TNS3: variants seen among roughly 807,000 people sequenced by gnomAD.
TNS3 encodes the protein tensin-3.
Under a neutral mutation model 140.9 loss-of-function variants are expected in TNS3, and 45 were observed. The observed-to-expected ratio is 0.32, with a 90% CI of 0.25 to 0.41. TNS3 has a LOEUF of 0.41. Among genes scored for constraint, TNS3 ranks in the 10% least tolerant of loss-of-function variants. TNS3 has a pLI of 1.00. For missense variants in TNS3, 1,716 were observed against 1,906.7 expected (o/e 0.90, Z 1.86); for synonymous variants, 815 against 788.4 (o/e 1.03, Z -0.56).
chr7:47,438,530 G>C lies in TNS3; in HGVS notation c.150+957C>G, dbSNP rs115130245. Among the ~76,000 whole-genome samples, 856 of 152,268 alleles carry C rather than the reference G, an allele frequency of 5.6e-3. 7 individuals carry two copies. The highest frequency in any genetic ancestry group is 0.019 in the African/African-American group (804 of 41,540). On this transcript the variant is annotated intron_variant, in intron 6 of 30. Coordinates refer to ENST00000311160, the MANE Select transcript of TNS3 (RefSeq NM_022748.12). ...TGGTGAGAGGCACCACCATCAAATG[G>C]GGCTTGGCCACCACTTCCTGTCCAC...
In TNS3 at chr7:47,439,657, G is replaced by A. The variant is rs768073824; in HGVS notation, c.-21C>T. 3 of 1,613,606 alleles carry A rather than the reference G, an allele frequency of 1.9e-6. No homozygotes were observed. The highest frequency in any genetic ancestry group is 2.5e-6 in the Non-Finnish European group (3 of 1,179,856). On this transcript the variant is annotated splice_region_variant and 5_prime_UTR_variant, in exon 6 of 31. Coordinates refer to ENST00000311160, the MANE Select transcript of TNS3 (RefSeq NM_022748.12). ...TCCATGGTGGGACTCAGGATGACGG[G>A]CCTGCGAGAGAGCAGTGGGCAGATC...
In TNS3 at chr7:47,407,409, A is replaced by G. The variant is rs1793509071; in HGVS notation, c.723+4318T>C. Among the ~76,000 whole-genome samples, 1 of 152,168 alleles carries G rather than the reference A, an allele frequency of 6.6e-6. No homozygotes were observed. Among genetic ancestry groups the G allele is most frequent in the Non-Finnish European group, 1.5e-5 (1 of 68,042 alleles). Reference sequence around the variant, plus strand: ...AAGGACCCAGACTCCCGGGAGCAGGAGCCCTGCACTGCCCACTCACGTGTC... The same window carrying G: ...AAGGACCCAGACTCCCGGGAGCAGGGGCCCTGCACTGCCCACTCACGTGTC... On this transcript the variant is annotated intron_variant, in intron 13 of 30. Coordinates refer to ENST00000311160, the MANE Select transcript of TNS3 (RefSeq NM_022748.12). This position sits in a 1 kb window ranked among gnomAD's most constrained non-coding sequence, Gnocchi z 4.1.
chr7:47,582,301 G>A (rs1320908529), upstream of TNS3: 1 of 386,010 alleles, frequency 2.6e-6, no homozygotes, highest in African/African-American at 2.1e-5. Flanking sequence ...CCGCCCTGCC[G>A]AGGTGCGCCC....
At chr7:47,537,702 G>A (rs1420659380) in intron 1 of TNS3, among the ~76,000 whole-genome samples, 1 of 151,706 alleles carries the variant, frequency 6.6e-6, no homozygotes, top group Non-Finnish European at 1.5e-5. Flanking sequence ...CATCTGTAAT[G>A]AGCAGTAATC....
At chr7:47,376,449 C>T (rs968272837) in intron 16 of TNS3, among the ~76,000 whole-genome samples, 1 of 152,200 alleles carries the variant, frequency 6.6e-6, no homozygotes, top group Non-Finnish European at 1.5e-5. Flanking sequence ...GACAAGGCCA[C>T]CGTGCAAGCT....
chr7:47,317,726 G>A (rs1411461144), intron 20 of TNS3, among the ~76,000 whole-genome samples: 12 of 152,172 alleles, frequency 7.9e-5, no homozygotes, highest in Non-Finnish European at 1.3e-4. Context: ...CTGAAGTGGA[G>A]CTACTGAGGC....
chr7:47,492,503 G>A (rs1208009691), intron 3 of TNS3, among the ~76,000 whole-genome samples: 4 of 152,234 alleles, frequency 2.6e-5, no homozygotes, highest in Admixed American at 2.6e-4. Flanking sequence ...AGCCCAGGCT[G>A]CTCCCTCTGC....
In TNS3 at chr7:47,407,326, G is replaced by A. The variant is rs528149689; in HGVS notation, c.723+4401C>T. On this transcript the variant is annotated intron_variant, in intron 13 of 30. Transcript: ENST00000311160. The surrounding 1 kb of genome is among the most constrained non-coding windows in gnomAD (Gnocchi z 4.1). ...CCTAACCTTTAGCTCTTGCCGCCGC[G>A]CACCTTCTGCCATGCTCAGTTCCAC... 4.3e-4 allele frequency among the ~76,000 whole-genome samples: 66 copies of A among 152,252 alleles called. No individual in the cohort carries two copies. Among genetic ancestry groups the A allele is most frequent in the Admixed American group, 1.0e-3 (16 of 15,292 alleles).
At chr7:47,562,117 C>T (rs991241807) in intron 1 of TNS3, among the ~76,000 whole-genome samples, 1 of 152,172 alleles carries the variant, frequency 6.6e-6, no homozygotes, top group African/African-American at 2.4e-5. Context: ...TTCTCCATTG[C>T]AGTAATGATG....
At chr7:47,526,043 C>T (rs1049199152) in intron 2 of TNS3, among the ~76,000 whole-genome samples, 1 of 152,218 alleles carries the variant, frequency 6.6e-6, no homozygotes, top group African/African-American at 2.4e-5. Flanking sequence ...ACAGGCTCCC[C>T]GCCGTCCAAG....
intron 17 of TNS3, among the ~76,000 whole-genome samples, chr7:47,360,498 C>T (rs757399539): frequency 1.3e-5 from 2 of 152,212 alleles, no homozygotes; most frequent in Admixed American, 6.5e-5. Context: ...GGCTCCCAGA[C>T]CTCCTCTATC....
At chr7:47,463,744 C>A (rs1340833996) in intron 4 of TNS3, among the ~76,000 whole-genome samples, 2 of 152,082 alleles carry the variant, frequency 1.3e-5, no homozygotes, top group Non-Finnish European at 2.9e-5. Flanking sequence ...CGGGAACATG[C>A]AGGTGGGCAA....
At chr7:47,496,185 G>T (rs887225990) in intron 3 of TNS3, among the ~76,000 whole-genome samples, 30 of 152,170 alleles carry the variant, frequency 2.0e-4, no homozygotes, top group African/African-American at 6.3e-4. Context: ...AAACTGAATG[G>T]TGGTCTGAAA....
intron 4 of TNS3, among the ~76,000 whole-genome samples, chr7:47,463,041 T>TA (rs1395064823): frequency 6.6e-6 from 1 of 152,216 alleles, no homozygotes; most frequent in African/African-American, 2.4e-5. Context: ...TTGTGTTCTA[T>TA]AAAGTTGCTG....
At chr7:47,497,192 G>A (rs1308267694) in intron 3 of TNS3, among the ~76,000 whole-genome samples, 2 of 152,194 alleles carry the variant, frequency 1.3e-5, no homozygotes, top group Non-Finnish European at 2.9e-5. Flanking sequence ...AAAATGCATA[G>A]TGATTTATGC....
intron 4 of TNS3, among the ~76,000 whole-genome samples, chr7:47,471,169 A>G (rs1172273116): frequency 6.6e-6 from 1 of 152,082 alleles, no homozygotes; most frequent in African/African-American, 2.4e-5. Flanking sequence ...TCAAAGGAAA[A>G]GTGTGGATCA....
intron 27 of TNS3, among the ~76,000 whole-genome samples, chr7:47,284,139 A>C (rs1785290480): frequency 1.3e-5 from 2 of 152,160 alleles, no homozygotes; most frequent in South Asian, 4.1e-4. Flanking sequence ...TTGCCTTCCC[A>C]CCAGCCAGAG....
chr7:47,533,742 A>G (rs334513), intron 1 of TNS3, among the ~76,000 whole-genome samples: 149,387 of 152,088 alleles, frequency 0.98, 73,437 homozygotes, highest in East Asian at 1. Flanking sequence ...TGCTGTTCTC[A>G]TGATAATGAA....
chr7:47,456,275 G>A (rs1408819476), intron 4 of TNS3, among the ~76,000 whole-genome samples: 1 of 152,106 alleles, frequency 6.6e-6, no homozygotes, highest in African/African-American at 2.4e-5. Flanking sequence ...ACATCAGGTC[G>A]GAGGTTGAAA....
Sources: allele counts gnomAD v4.1 joint callset (sites outside exome capture counted in the v4.1 genomes callset), GRCh38; gene constraint gnomAD v4.1.1; non-coding constraint Gnocchi (gnomAD v3.1); transcripts MANE v1.5; gene names NCBI Gene and HGNC (gene_info 2026-07-23, HGNC 2026-07-21).